The following BCL11A variants were observed in gnomAD, a reference collection of about 807,000 sequenced individuals.
The protein encoded by BCL11A is BCL11 transcription factor A, also known as B cell CLL/lymphoma 11A.
In BCL11A, 2 loss-of-function variants were observed where a neutral mutation model predicts 55.9. The ratio of observed to expected loss-of-function variants is 0.04; its 90% CI spans 0.01 to 0.11. BCL11A has a LOEUF of 0.11. Ranked by LOEUF, BCL11A falls within the 10% of genes least tolerant of loss-of-function variation. BCL11A has a pLI of 1.00. For missense variants in BCL11A, 817 were observed against 1,137.1 expected (o/e 0.72, Z 4.05); for synonymous variants, 465 against 473.4 (o/e 0.98, Z 0.23).
At chr2:60,477,063 G>A (rs879606835) in intron 2 of BCL11A, among the ~76,000 whole-genome samples, 8 of 152,080 alleles carry the variant, frequency 5.3e-5, no homozygotes, top group South Asian at 4.1e-4. Context: ...TGCCCCACTC[G>A]AGAAATGAAG....
At chr2:60,528,266 G>A (rs918169000) in intron 2 of BCL11A, 4 of 152,320 alleles carry the variant, frequency 2.6e-5, no homozygotes, top group Admixed American at 2.6e-4. Flanking sequence ...AACTGCTGCA[G>A]GCCAAGCCTC....
chr2:60,541,593 C>T (rs2104715843), intron 2 of BCL11A, among the ~76,000 whole-genome samples: 1 of 152,288 alleles, frequency 6.6e-6, no homozygotes, highest in South Asian at 2.1e-4. Flanking sequence ...TATAGGACTC[C>T]CAGTTTCATG....
chr2:60,530,902 C>T (rs1669424645), intron 2 of BCL11A, among the ~76,000 whole-genome samples: 1 of 152,170 alleles, frequency 6.6e-6, no homozygotes. Flanking sequence ...TATGTCTGCG[C>T]TTTTCCCTTT....
chr2:60,542,135 T>C (rs1355820031), intron 2 of BCL11A: 1 of 393,712 alleles, frequency 2.5e-6, no homozygotes, highest in South Asian at 7.1e-5. Context: ...AATACCCTGA[T>C]ATAAATGTCT....
intron 2 of BCL11A, chr2:60,542,091 A>C: frequency 3.9e-6 from 2 of 517,930 alleles, no homozygotes; most frequent in Non-Finnish European, 6.9e-6. Flanking sequence ...TCATTATCTA[A>C]ATACCAGCTA....
At chr2:60,496,633 C>G (rs1678966135) in intron 2 of BCL11A, 1 of 152,612 alleles carries the variant, frequency 6.6e-6, no homozygotes, top group South Asian at 2.1e-4. Context: ...TTGTACAACC[C>G]TCTCTCCTCA....
chr2:60,464,183 A>C (rs1159476144), intron 3 of BCL11A, among the ~76,000 whole-genome samples: 2 of 152,184 alleles, frequency 1.3e-5, no homozygotes, highest in Non-Finnish European at 2.9e-5. Flanking sequence ...TCTCTTAAAC[A>C]AGATTAGATG....
At position 60,457,302 on chromosome 2, in the gene BCL11A, C is replaced by A. The variant is rs983332234; in HGVS notation, c.*3102G>T. On this transcript the variant is annotated 3_prime_UTR_variant, in exon 4 of 4. Transcript: ENST00000642384. ...ACAGACAGTGGTTTTTCCAATAGAA[C>A]TTAACAAAGACCAGAAACAAATACA... 4.1e-5 allele frequency: 42 copies of A among 1,018,388 alleles called. No individual in the cohort carries two copies. Among genetic ancestry groups the A allele is most frequent in the African/African-American group, 8.6e-5 (5 of 58,194 alleles). 63.1% of individuals were successfully genotyped at this position (1,018,388 alleles called of 1,614,324 possible).
At chr2:60,455,125 G>T (rs1675882338), downstream of BCL11A, among the ~76,000 whole-genome samples, 1 of 152,156 alleles carries the variant, frequency 6.6e-6, no homozygotes, top group Non-Finnish European at 1.5e-5. Flanking sequence ...GTGAGAAATA[G>T]AATTTGCGGT....
chr2:60,464,356 T>C (rs983843510), intron 3 of BCL11A, among the ~76,000 whole-genome samples: 1 of 152,214 alleles, frequency 6.6e-6, no homozygotes, highest in Admixed American at 6.5e-5. Context: ...TGAGAACATT[T>C]TTATAAATTT....
At position 60,546,253 on chromosome 2, in the gene BCL11A, G is replaced by A. The variant is rs1670148480; in HGVS notation, c.103C>T (p.Pro35Ser). 1.7e-5 allele frequency: 28 copies of A among 1,614,096 alleles called. No individual in the cohort carries two copies. The highest frequency in any genetic ancestry group is 2.0e-5 in the Non-Finnish European group (24 of 1,180,050). Residue 35 changes from proline (P) to serine (S), a missense_variant, in exon 2 of 4, where the codon CCG (proline) becomes TCG (serine). Pro to Ser is a moderately conservative substitution (Grantham distance 74). This residue lies in a region of BCL11A where 363 missense variants were observed against 486.6 expected (regional missense o/e 0.75). Transcript: ENST00000642384. The surrounding 1 kb of genome is among the most constrained non-coding windows in gnomAD (Gnocchi z 4.1). ...TGATCCCCTTCTGGAGCTCCCAACGGGCCGTGGTCTGGTTCATCATCTGTA... is the reference window on the plus strand; with the variant it reads ...TGATCCCCTTCTGGAGCTCCCAACGAGCCGTGGTCTGGTTCATCATCTGTA... ...ILTDDEPDHG[P>S]LGAPEGDHDL...
At chr2:60,529,177 G>T (rs764001593) in intron 2 of BCL11A, among the ~76,000 whole-genome samples, 71 of 152,268 alleles carry the variant, frequency 4.7e-4, no homozygotes, top group Non-Finnish European at 3.8e-4. Flanking sequence ...CCCATAATGG[G>T]GGAACTACTT....
chr2:60,461,184 G>A lies in BCL11A; in HGVS notation c.1728C>T (p.Ala576=). The A allele has an allele frequency of 6.2e-7, 1 of 1,612,556 alleles. No homozygotes were observed. Among genetic ancestry groups the A allele is most frequent in the Non-Finnish European group, 8.5e-7 (1 of 1,179,830 alleles). ...AAGTGTCCCTGTGGCCCTCGGCCTC[G>A]GCCAGGTGGCCGCGCTTATGCTTCT... ...LGEKHKRGHL[A]EAEGHRDTCD... The change falls in exon 4 of 4, where the codon GCC becomes GCT. Residue 576 remains alanine (A), a synonymous_variant. Coordinates refer to ENST00000642384, the MANE Select transcript of BCL11A (RefSeq NM_022893.4).
At chr2:60,549,823 G>A (rs1313634119) in intron 1 of BCL11A, 1 of 152,300 alleles carries the variant, frequency 6.6e-6, no homozygotes, top group East Asian at 1.9e-4. Flanking sequence ...CGGGTCCTGA[G>A]ATTCATTCTG....
chr2:60,538,757 G>C (rs916011768), intron 2 of BCL11A, among the ~76,000 whole-genome samples: 5 of 151,058 alleles, frequency 3.3e-5, no homozygotes, highest in Non-Finnish European at 7.4e-5. Flanking sequence ...GTGTGTGTGT[G>C]TGTGTGTGTG....
intron 2 of BCL11A, among the ~76,000 whole-genome samples, chr2:60,531,734 C>T (rs1274633758): frequency 6.6e-6 from 1 of 152,140 alleles, no homozygotes; most frequent in Non-Finnish European, 1.5e-5. Flanking sequence ...GACCCCAGTA[C>T]CCAAGGCAGG....
chr2:60,461,644 T>C lies in BCL11A; in HGVS notation c.1268A>G (p.His423Arg). 1.2e-6 allele frequency: 2 copies of C among 1,613,932 alleles called. No homozygotes were observed. Among genetic ancestry groups the C allele is most frequent in the Non-Finnish European group, 1.7e-6 (2 of 1,180,036 alleles). Residue 423 changes from histidine to arginine, a missense_variant, in exon 4 of 4, where the codon CAC becomes CGC. By Grantham distance (29) the His-to-Arg change is conservative. Transcript: ENST00000642384. ...CGATTTGTGCATGTGCGTCTTCATG[T>C]GGCGCTTCAGCTTGCTGGCCTGGGT... ...ACTQASKLKR[H>R]MKTHMHKSSP...
At chr2:60,528,767 G>A (rs759289154) in intron 2 of BCL11A, among the ~76,000 whole-genome samples, 4 of 152,194 alleles carry the variant, frequency 2.6e-5, no homozygotes, top group Admixed American at 6.5e-5. Context: ...TTTCCTTTCC[G>A]AGGTTGTTGT....
intron 2 of BCL11A, among the ~76,000 whole-genome samples, chr2:60,500,574 C>T (rs1357530413): frequency 2.0e-5 from 3 of 152,208 alleles, no homozygotes; most frequent in Admixed American, 2.0e-4. Context: ...ATAAACCAGA[C>T]ACCCCACACT....
Sources: gnomAD v4.1 joint callset for allele counts (sites outside exome capture counted in the v4.1 genomes callset) on GRCh38, gnomAD v4.1.1 for gene constraint, gnomAD v4.1.1 regional missense constraint, Gnocchi (gnomAD v3.1) non-coding constraint, MANE v1.5 for transcripts, NCBI Gene and HGNC (gene_info 2026-07-23, HGNC 2026-07-21) for gene names.